TMEM63C: variants seen among roughly 807,000 people sequenced by gnomAD.
TMEM63C encodes the protein osmosensitive cation channel TMEM63C.
A neutral mutation model predicts 99.2 loss-of-function variants in TMEM63C; 32 were observed. The observed-to-expected ratio is 0.32, with a 90% CI of 0.24 to 0.43. TMEM63C has a LOEUF of 0.43. TMEM63C is among the 20% of genes least tolerant of loss of function. The pLI is 1.00. For missense variants in TMEM63C, 826 were observed against 1,053.0 expected, an observed-to-expected ratio of 0.78 and a Z score of 2.98; for synonymous variants, 376 against 397.9, an observed-to-expected ratio of 0.94 and a Z score of 0.66.
intron 1 of TMEM63C, among the ~76,000 whole-genome samples, chr14:77,189,336 A>G (rs1450565653): frequency 1.3e-5 from 2 of 151,404 alleles, no homozygotes; most frequent in Non-Finnish European, 2.9e-5. Flanking sequence ...CAACCTGGTC[A>G]CAAATTCCTG....
chr14:77,233,845 A>G (rs990014036), intron 8 of TMEM63C, among the ~76,000 whole-genome samples: 8 of 152,236 alleles, frequency 5.3e-5, no homozygotes, highest in Non-Finnish European at 1.0e-4. Context: ...CCTGCCACCA[A>G]TAGGTTCCAG....
At chr14:77,256,479 G>A in intron 23 of TMEM63C, 47 bp from the exon 24 acceptor site, 1 of 1,595,154 alleles carries the variant, frequency 6.3e-7, no homozygotes, top group African/African-American at 1.3e-5. Flanking sequence ...CCAGGGCCTT[G>A]CCCCCAACGT....
intron 6 of TMEM63C, among the ~76,000 whole-genome samples, chr14:77,230,222 G>A (rs906462276): frequency 4.7e-5 from 7 of 150,286 alleles, no homozygotes; most frequent in African/African-American, 4.9e-5. Context: ...AAAATGTACA[G>A]CTCAGTCATC....
intron 23 of TMEM63C, among the ~76,000 whole-genome samples, chr14:77,256,204 T>C (rs1889458571): frequency 6.6e-6 from 1 of 152,212 alleles, no homozygotes; most frequent in Non-Finnish European, 1.5e-5. Flanking sequence ...AGACCTCAGC[T>C]GAGGGGAGCC....
intron 6 of TMEM63C, among the ~76,000 whole-genome samples, chr14:77,228,378 G>A (rs1888871179): frequency 6.9e-6 from 1 of 144,406 alleles, no homozygotes; most frequent in Non-Finnish European, 1.6e-5. Flanking sequence ...CCGCTCTCCA[G>A]AAGTTCTCAT....
chr14:77,214,304 A>G (rs939373870), intron 2 of TMEM63C, among the ~76,000 whole-genome samples: 14 of 152,110 alleles, frequency 9.2e-5, no homozygotes, highest in Admixed American at 7.9e-4. Flanking sequence ...TGGGGACTGT[A>G]AGTGCCTTGC....
chr14:77,224,624 C>G (rs1416997589), intron 5 of TMEM63C, among the ~76,000 whole-genome samples: 1 of 152,112 alleles, frequency 6.6e-6, no homozygotes, highest in Non-Finnish European at 1.5e-5. Context: ...CACCAATCTC[C>G]CCATGGCTAA....
chr14:77,227,731 T>A (rs1037113659), intron 6 of TMEM63C, among the ~76,000 whole-genome samples: 1 of 152,062 alleles, frequency 6.6e-6, no homozygotes, highest in Non-Finnish European at 1.5e-5. Flanking sequence ...AAACCTCTAG[T>A]GCTACAGAGG....
chr14:77,208,465 C>G (rs1256658171), intron 1 of TMEM63C, among the ~76,000 whole-genome samples: 1 of 152,212 alleles, frequency 6.6e-6, no homozygotes, highest in Non-Finnish European at 1.5e-5. Context: ...GGCTTGTCAG[C>G]AGAACACGGC....
intron 1 of TMEM63C, among the ~76,000 whole-genome samples, chr14:77,209,760 G>T (rs937509954): frequency 6.6e-6 from 1 of 152,166 alleles, no homozygotes; most frequent in African/African-American, 2.4e-5. Context: ...CTCAAGCTGT[G>T]TAGGGGTGGG....
intron 5 of TMEM63C, among the ~76,000 whole-genome samples, chr14:77,224,698 G>A (rs185639586): frequency 3.4e-4 from 51 of 152,102 alleles, no homozygotes; most frequent in African/African-American, 1.1e-3. Flanking sequence ...GGCCTCAACC[G>A]GACAGGACCC....
chr14:77,190,311 T>A (rs1888081252), intron 1 of TMEM63C, among the ~76,000 whole-genome samples: 1 of 152,106 alleles, frequency 6.6e-6, no homozygotes, highest in South Asian at 2.1e-4. Context: ...AAACTAAGGT[T>A]CAGATCACTT....
intron 1 of TMEM63C, among the ~76,000 whole-genome samples, chr14:77,203,399 A>C (rs988996340): frequency 9.5e-5 from 14 of 148,084 alleles, no homozygotes; most frequent in Non-Finnish European, 1.8e-4. Context: ...AAAAAAAAAA[A>C]AACAATAAAG....
At chr14:77,232,091 G>A (rs1566626644) in intron 7 of TMEM63C, among the ~76,000 whole-genome samples, 1 of 152,198 alleles carries the variant, frequency 6.6e-6, no homozygotes, top group Non-Finnish European at 1.5e-5. Context: ...TAACACCATA[G>A]GTGCAGAATT....
At chr14:77,239,786 C>T (rs1232772514) in intron 12 of TMEM63C, 60 bp downstream of exon 12, 25 of 1,587,500 alleles carry the variant, frequency 1.6e-5, no homozygotes, top group Non-Finnish European at 1.9e-5. Context: ...GGGCTCTAGG[C>T]TCTGTGCCTT....
At chr14:77,234,547 T>G (rs61993366) in intron 8 of TMEM63C, among the ~76,000 whole-genome samples, 1 of 152,168 alleles carries the variant, frequency 6.6e-6, no homozygotes, top group East Asian at 1.9e-4. Flanking sequence ...GTAGAGACCA[T>G]GTAGCCTTGC....
intron 1 of TMEM63C, among the ~76,000 whole-genome samples, chr14:77,186,776 G>GGTGTGTGTGT (rs750331360): frequency 0.023 from 3,230 of 138,308 alleles, 85 homozygotes; most frequent in African/African-American, 0.048. Flanking sequence ...GAACCAAAGG[G>GGTGTGTGTGT]GTGTGTGTGT....
intron 13 of TMEM63C, 116 bp from the exon 14 acceptor site, chr14:77,242,231 A>G: frequency 8.6e-7 from 1 of 1,160,820 alleles, no homozygotes; most frequent in Non-Finnish European, 1.2e-6. Flanking sequence ...CAGGAAGGGG[A>G]TGAGCCCCCA....
At chr14:77,187,937 G>C (rs1045935905) in intron 1 of TMEM63C, among the ~76,000 whole-genome samples, 5 of 152,218 alleles carry the variant, frequency 3.3e-5, no homozygotes, top group African/African-American at 1.2e-4. Context: ...GGGGTTATTT[G>C]TGTGTGGGGC....
Sources: allele counts gnomAD v4.1 joint callset (sites outside exome capture counted in the v4.1 genomes callset), GRCh38; gene constraint gnomAD v4.1.1; transcripts MANE v1.5; gene names NCBI Gene and HGNC (gene_info 2026-07-23, HGNC 2026-07-21).